The following NOP14 variants were observed in gnomAD, a reference collection of about 807,000 sequenced individuals.
NOP14 encodes nucleolar protein 14.
Under a neutral mutation model 101.6 loss-of-function variants are expected in NOP14, and 57 were observed. The ratio of observed to expected loss-of-function variants is 0.56; its 90% confidence interval spans 0.45 to 0.70. NOP14 has a LOEUF of 0.70. Ranked by LOEUF, NOP14 falls within the 30% of genes least tolerant of loss-of-function variation. The pLI is 0.00. For missense variants in NOP14, 1,134 were observed against 1,075.5 expected (o/e 1.05, Z -0.76); for synonymous variants, 428 against 424.0 (o/e 1.01, Z -0.12).
At chr4:2,960,787 CACATTAATATTAATATAT>C (rs1715730083) in intron 1 of NOP14, among the ~76,000 whole-genome samples, 1 of 117,978 alleles carries the variant, frequency 8.5e-6, no homozygotes, top group Non-Finnish European at 1.7e-5. Flanking sequence ...ATATTATAAT[CACATTAATATTAATATAT>C]TAATATTATA....
intron 10 of NOP14, 173 bp downstream of exon 10, chr4:2,947,353 C>T (rs2109301803): frequency 1.7e-6 from 1 of 598,498 alleles, no homozygotes; most frequent in South Asian, 2.0e-5. Context: ...GTGTGAGAAG[C>T]CGGCTTGCGC....
chr4:2,956,526 G>C (rs1715352755), intron 3 of NOP14, 144 bp downstream of exon 3: 1 of 773,632 alleles, frequency 1.3e-6, no homozygotes, highest in Non-Finnish European at 1.9e-6. Flanking sequence ...ACTGTCACTT[G>C]TGAAATTTGT....
Position 2,941,478 on chromosome 4 carries a change from G to GACTT in NOP14, c.2199+100_2199+103dup, listed in dbSNP as rs558369991. 577 of 1,063,532 alleles carry GACTT rather than the reference G, an allele frequency of 5.4e-4. 5 individuals are homozygous for GACTT. The East Asian group carries it at 0.013, about 23-fold the overall frequency. The allele number at this position is 1,063,532 out of a possible 1,614,324, so 65.9% of individuals were successfully genotyped here. On this transcript the variant is annotated intron_variant, in intron 15 of 17. Transcript: ENST00000416614. ...TTTGTGATTTTGCAAAGATGGTGTT[G>GACTT]ACTTACAGCTGCAGCATCAAATGAC...
rs1714891023 is a variant in NOP14 at position 2,949,810 on chromosome 4, TC to T, written c.1282+123del. On this transcript the variant is annotated intron_variant, in intron 8 of 17. Coordinates refer to ENST00000416614, the MANE Select transcript of NOP14 (RefSeq NM_001291978.2). Reference sequence around the variant, plus strand: ...CAGACACAGGGGTGTGTCCAGGCACTCCCAAGGGCATCCTTGGTCCCCATTC... The same window carrying T: ...CAGACACAGGGGTGTGTCCAGGCACTCCAAGGGCATCCTTGGTCCCCATTC... The T allele has an allele frequency of 4.6e-6, 5 of 1,098,694 alleles. No individual in the cohort carries two copies. The Admixed American group carries it at 9.5e-5, about 21-fold the overall frequency. The allele number at this position is 1,098,694 out of a possible 1,614,324, so 68.1% of individuals were successfully genotyped here. A position where few individuals can be genotyped will look rare whatever the true frequency, so the allele number is the denominator to read the frequency against.
Position 2,950,225 on chromosome 4 carries a change from G to A in NOP14, c.1003-12C>T, listed in dbSNP as rs779040184. ...TTCATCTTTCCATCCTACCAAGAGC[G>A]TGGAAACCACAGGGCATGAGGACAG... On this transcript the variant is annotated splice_polypyrimidine_tract_variant and intron_variant, in intron 7 of 17. Coordinates refer to ENST00000416614, the MANE Select transcript of NOP14 (RefSeq NM_001291978.2). The A allele has an allele frequency of 6.8e-6, 11 of 1,612,186 alleles. No individual in the cohort carries two copies. Among genetic ancestry groups the A allele is most frequent in the African/African-American group, 6.7e-5 (5 of 74,900 alleles).
intron 11 of NOP14, among the ~76,000 whole-genome samples, chr4:2,945,551 T>C (rs1714559627): frequency 6.6e-6 from 1 of 152,220 alleles, no homozygotes; most frequent in African/African-American, 2.4e-5. Flanking sequence ...TGCTAACTAT[T>C]GTGAATCCAT....
intron 1 of NOP14, chr4:2,961,585 G>A (rs1029746360): frequency 9.2e-5 from 14 of 152,244 alleles, no homozygotes; most frequent in African/African-American, 3.4e-4. Context: ...TCAACTGGAC[G>A]ACCTGCTGTC....
intron 3 of NOP14, among the ~76,000 whole-genome samples, chr4:2,954,787 C>T (rs1388547523): frequency 6.6e-6 from 1 of 152,152 alleles, no homozygotes; most frequent in African/African-American, 2.4e-5. Context: ...ATTACACTCC[C>T]AACTGGCCGT....
chr4:2,956,824 A>G lies in NOP14; in HGVS notation c.331-13T>C. 5 of 1,571,708 alleles carry G rather than the reference A, an allele frequency of 3.2e-6. No homozygotes were observed. Among genetic ancestry groups the G allele is most frequent in the Non-Finnish European group, 4.3e-6 (5 of 1,166,676 alleles). ...TCTCATGATGTCGCTGACAGAAGAGAAAAAAAGTTTCCTAAAATTACCACT... is the reference window on the plus strand; with the variant it reads ...TCTCATGATGTCGCTGACAGAAGAGGAAAAAAGTTTCCTAAAATTACCACT... On this transcript the variant is annotated splice_polypyrimidine_tract_variant and intron_variant, in intron 2 of 17. Coordinates refer to ENST00000416614, the MANE Select transcript of NOP14 (RefSeq NM_001291978.2).
chr4:2,946,304 C>T, intron 11 of NOP14, 108 bp downstream of exon 11: 5 of 1,352,886 alleles, frequency 3.7e-6, no homozygotes, highest in Non-Finnish European at 5.1e-6. Flanking sequence ...TCCACATCAC[C>T]CTGGAAGCAC....
In NOP14 at chr4:2,950,876, CAG is replaced by C. The variant is rs10576953; in HGVS notation, c.1002+236_1002+237del. On this transcript the variant is annotated intron_variant, in intron 7 of 17. Coordinates refer to ENST00000416614, the MANE Select transcript of NOP14 (RefSeq NM_001291978.2). The stretch of plus-strand genomic sequence containing the variant: ...CAGTTTTATCTGTGTTCCTTTGAGA[CAG>C]AGAGAGAGAGTGAGAAAGAGAGCGT... The C allele has an allele frequency of 2.3e-3, 945 of 404,346 alleles. 1 individual carries two copies. Among genetic ancestry groups the C allele is most frequent in the Middle Eastern group, 3.4e-3 (5 of 1,450 alleles). 25.0% of individuals were successfully genotyped at this position (404,346 alleles called of 1,614,324 possible).
intron 5 of NOP14, 133 bp downstream of exon 5, chr4:2,953,378 G>A (rs1317034414): frequency 1.1e-6 from 1 of 882,032 alleles, no homozygotes; most frequent in Non-Finnish European, 1.8e-6. Flanking sequence ...AGGTAATTCA[G>A]TATCAATGTT....
At chr4:2,955,143 C>T (rs1246681356) in intron 3 of NOP14, among the ~76,000 whole-genome samples, 1 of 130,240 alleles carries the variant, frequency 7.7e-6, no homozygotes, top group Non-Finnish European at 1.6e-5. Context: ...TAGTCACCTG[C>T]ACCCCACGGC....
intron 1 of NOP14, among the ~76,000 whole-genome samples, chr4:2,960,704 T>TCAATATATTATTA (rs1715689508): frequency 7.5e-6 from 1 of 132,890 alleles, no homozygotes; most frequent in Non-Finnish European, 1.6e-5. Flanking sequence ...CACATTAATA[T>TCAATATATTATTA]TAATATATTA....
intron 1 of NOP14, 62 bp downstream of exon 1, chr4:2,963,063 C>A (rs1007914145): frequency 9.7e-6 from 14 of 1,442,182 alleles, no homozygotes; most frequent in Non-Finnish European, 1.3e-5. Flanking sequence ...AGGACGCAGC[C>A]GGCCGAGAGC....
chr4:2,952,445 T>C, intron 5 of NOP14, 48 bp from the exon 6 acceptor site: 1 of 1,475,876 alleles, frequency 6.8e-7, no homozygotes, highest in Non-Finnish European at 9.0e-7. Context: ...TATTTATTTC[T>C]TATTTTACAA....
In NOP14 at chr4:2,939,531, T is replaced by C; in HGVS notation, c.2314A>G (p.Lys772Glu). The part of the protein sequence containing the change: ...PLKLFTPRLV[K>E]VLEFGRKQGS... ...GGAGATGCTGCCAGCACCCACACTT[T>C]GACCAGCCGGGGTGTGAAAAGCTTC... Residue 772 changes from lysine to glutamate, a missense_variant, in exon 16 of 18, where the codon AAA becomes GAA. Coordinates refer to ENST00000416614, the MANE Select transcript of NOP14 (RefSeq NM_001291978.2). 2 of 1,613,622 alleles carry C rather than the reference T, an allele frequency of 1.2e-6. No individual in the cohort carries two copies. The highest frequency in any genetic ancestry group is 1.7e-6 in the Non-Finnish European group (2 of 1,179,802).
At chr4:2,956,464 C>G (rs1383560869) in intron 3 of NOP14, among the ~76,000 whole-genome samples, 1 of 152,016 alleles carries the variant, frequency 6.6e-6, no homozygotes, top group African/African-American at 2.4e-5. Context: ...CATCTATCTA[C>G]ACACCATCTT....
intron 1 of NOP14, among the ~76,000 whole-genome samples, chr4:2,959,018 CAT>C (rs1560308842): frequency 1.3e-5 from 2 of 152,142 alleles, no homozygotes; most frequent in Admixed American, 6.5e-5. Context: ...AAATATTAAT[CAT>C]GTGGACAGGA....
Sources: allele counts gnomAD v4.1 joint callset (sites outside exome capture counted in the v4.1 genomes callset), GRCh38; gene constraint gnomAD v4.1.1; transcripts MANE v1.5; gene names NCBI Gene and HGNC (gene_info 2026-07-23, HGNC 2026-07-21).